KCNH7: variants seen among roughly 807,000 people sequenced by gnomAD.
KCNH7 encodes the protein potassium voltage-gated channel subfamily H member 7.
Under a neutral mutation model 120.8 loss-of-function variants are expected in KCNH7, and 49 were observed. The ratio of observed to expected loss-of-function variants is 0.41; its 90% CI spans 0.32 to 0.51. The LOEUF (loss-of-function observed/expected upper bound fraction) is 0.51, where lower values mean the gene tolerates loss of function less well. Ranked by LOEUF, KCNH7 falls within the 20% of genes least tolerant of loss-of-function variation. KCNH7 has a pLI of 0.38. For synonymous variants in KCNH7, 547 were observed against 516.1 expected, an observed-to-expected ratio of 1.06 and a Z score of -0.81; for missense variants, 1,097 against 1,446.6, an observed-to-expected ratio of 0.76 and a Z score of 3.92.
chr2:162,490,045 G>A (rs749735647), intron 6 of KCNH7, among the ~76,000 whole-genome samples: 3 of 152,218 alleles, frequency 2.0e-5, no homozygotes, highest in Non-Finnish European at 2.9e-5. Context: ...AGGAGAACAC[G>A]TTAATCATAC....
chr2:162,636,629 C>A (rs1260394380), intron 2 of KCNH7, among the ~76,000 whole-genome samples: 3 of 152,100 alleles, frequency 2.0e-5, no homozygotes, highest in Non-Finnish European at 4.4e-5. Context: ...CTTCATGTCA[C>A]ATCACAAGTG....
intron 6 of KCNH7, among the ~76,000 whole-genome samples, chr2:162,465,290 T>G (rs987167864): frequency 6.6e-6 from 1 of 152,140 alleles, no homozygotes; most frequent in Non-Finnish European, 1.5e-5. Context: ...AGATTCCAAT[T>G]GTTACTGCAC....
intron 6 of KCNH7, among the ~76,000 whole-genome samples, chr2:162,486,748 C>T (rs190576476): frequency 1.3e-5 from 2 of 152,004 alleles, no homozygotes; most frequent in Non-Finnish European, 2.9e-5. Flanking sequence ...AAAAAATCAC[C>T]CCCATATTAA....
chr2:162,764,626 A>G lies in KCNH7; in HGVS notation c.307+71911T>C, dbSNP rs927984429. 3.9e-5 allele frequency among the ~76,000 whole-genome samples: 6 copies of G among 152,300 alleles called. No individual in the cohort carries two copies. In the East Asian group the frequency reaches 1.2e-3, roughly 29 times the overall value. On this transcript the variant is annotated intron_variant, in intron 2 of 15. Transcript: ENST00000332142. ...TCTTTACAGATTACTGCAAGTACAAAAGCCAGATCGAAACTGACAGGGAAT... is the reference window on the plus strand; with the variant it reads ...TCTTTACAGATTACTGCAAGTACAAGAGCCAGATCGAAACTGACAGGGAAT...
chr2:162,430,234 A>G (rs1465268543), intron 8 of KCNH7, among the ~76,000 whole-genome samples: 1 of 151,982 alleles, frequency 6.6e-6, no homozygotes, highest in East Asian at 1.9e-4. Context: ...CTGCTGGTTA[A>G]AATTTGAAAA....
chr2:162,468,789 C>T (rs34562680), intron 6 of KCNH7, among the ~76,000 whole-genome samples: 2,062 of 151,844 alleles, frequency 0.014, 27 homozygotes, highest in Non-Finnish European at 0.021. Context: ...CCTCATGATC[C>T]GCCCGCCTAG....
intron 2 of KCNH7, among the ~76,000 whole-genome samples, chr2:162,764,997 A>T (rs1682731177): frequency 6.6e-6 from 1 of 152,192 alleles, no homozygotes; most frequent in African/African-American, 2.4e-5. Flanking sequence ...TTTAAAAAAT[A>T]TTAAAATGTC....
chr2:162,620,114 GGAT>G, intron 2 of KCNH7, among the ~76,000 whole-genome samples: 1 of 149,390 alleles, frequency 6.7e-6, no homozygotes, highest in Non-Finnish European at 1.5e-5. Context: ...TATAAAAAAA[GGAT>G]AATAAAAAAT....
intron 2 of KCNH7, among the ~76,000 whole-genome samples, chr2:162,625,211 A>G (rs1408069277): frequency 6.6e-6 from 1 of 151,796 alleles, no homozygotes; most frequent in East Asian, 1.9e-4. Context: ...TGCACTCTTA[A>G]CTCTAAATCT....
At chr2:162,590,685 TAG>T (rs751608416) in intron 2 of KCNH7, among the ~76,000 whole-genome samples, 11 of 152,108 alleles carry the variant, frequency 7.2e-5, no homozygotes, top group Non-Finnish European at 1.3e-4. Context: ...TCTTCTAAAT[TAG>T]AGCTCTGAAA....
At chr2:162,638,657 T>C (rs1396340118) in intron 2 of KCNH7, among the ~76,000 whole-genome samples, 1 of 152,058 alleles carries the variant, frequency 6.6e-6, no homozygotes, top group Non-Finnish European at 1.5e-5. Context: ...ACTAGAAAAA[T>C]GGAGTTAGTT....
chr2:162,789,009 A>G (rs1683820149), intron 2 of KCNH7, among the ~76,000 whole-genome samples: 1 of 151,306 alleles, frequency 6.6e-6, no homozygotes, highest in Non-Finnish European at 1.5e-5. Context: ...AAAAAAAAAA[A>G]AAAATCCAAA....
At chr2:162,470,382 G>A (rs1389733060) in intron 6 of KCNH7, among the ~76,000 whole-genome samples, 6 of 147,584 alleles carry the variant, frequency 4.1e-5, no homozygotes, top group African/African-American at 1.0e-4. Flanking sequence ...GGTGAGGAGC[G>A]TCTCTGCCCG....
In KCNH7 at chr2:162,470,013, A is replaced by G. The variant is rs989815244; in HGVS notation, c.1129-23570T>C. Among the ~76,000 whole-genome samples the G allele has an allele frequency of 2.0e-5, 3 of 152,130 alleles. 1 individual carries two copies. Among genetic ancestry groups the G allele is most frequent in the Non-Finnish European group, 4.4e-5 (3 of 68,014 alleles). On this transcript the variant is annotated intron_variant, in intron 6 of 15. Coordinates refer to ENST00000332142, the MANE Select transcript of KCNH7 (RefSeq NM_033272.4). ...CGGAGTCTCGTTCACTCAGTGCTCA[A>G]TGGTGCCCAGGCTGGAGTGCAGTGG...
In KCNH7 at chr2:162,423,491, G is replaced by A; in HGVS notation, c.1999C>T (p.Gln667Ter). The part of the protein sequence containing the change: ...SIFGNVSAII[Q>*]RLYSGTARYH... ...CTGGCAGTTCCCGAGTATAGTCTTT[G>A]GATAATTGCAGATACATTCCCAAAA... The change falls in exon 9 of 16, where the codon CAA (glutamine) becomes TAA (stop). Residue 667 changes from glutamine to a stop codon, truncating the protein, a stop_gained. Transcript: ENST00000332142. LOFTEE classifies it high-confidence loss of function. 1 of 1,613,988 alleles carries A rather than the reference G, an allele frequency of 6.2e-7. No individual in the cohort carries two copies. The highest frequency in any genetic ancestry group is 8.5e-7 in the Non-Finnish European group (1 of 1,179,904).
intron 2 of KCNH7, among the ~76,000 whole-genome samples, chr2:162,763,521 A>C (rs1041018106): frequency 6.6e-6 from 1 of 152,236 alleles, no homozygotes; most frequent in Admixed American, 6.6e-5. Context: ...AAGGATCCGT[A>C]AAGTTCCAAA....
Position 162,394,437 on chromosome 2 carries a change from A to G in KCNH7, c.2662T>C (p.Cys888Arg). 6.2e-7 allele frequency: 1 copy of G among 1,607,574 alleles called. No homozygotes were observed. The highest frequency in any genetic ancestry group is 8.5e-7 in the Non-Finnish European group (1 of 1,174,874). Residue 888 changes from cysteine (C) to arginine (R), a missense_variant, in exon 12 of 16, where the codon TGT becomes CGT. By Grantham distance (180) the Cys-to-Arg change is radical. Transcript: ENST00000332142. ...QSMNDSEGDNCKLRRRKLSFE... is the reference protein window; with the variant it reads ...QSMNDSEGDNRKLRRRKLSFE... ...GACAATTTCCTTCTTCTTAGTTTACAGTTGTCTCCTTCTGAATCATTCATG... is the reference window on the plus strand; with the variant it reads ...GACAATTTCCTTCTTCTTAGTTTACGGTTGTCTCCTTCTGAATCATTCATG...
At chr2:162,488,135 C>T (rs1220395291) in intron 6 of KCNH7, among the ~76,000 whole-genome samples, 1 of 152,164 alleles carries the variant, frequency 6.6e-6, no homozygotes, top group Non-Finnish European at 1.5e-5. Flanking sequence ...TGAAGAAAGA[C>T]CTGAGCCATC....
chr2:162,721,364 T>C (rs549635546), intron 2 of KCNH7, among the ~76,000 whole-genome samples: 1 of 152,252 alleles, frequency 6.6e-6, no homozygotes, highest in East Asian at 1.9e-4. Flanking sequence ...CCACTACATA[T>C]GTGGAAAGAC....
Sources: gnomAD v4.1 joint callset for allele counts (sites outside exome capture counted in the v4.1 genomes callset) on GRCh38, gnomAD v4.1.1 for gene constraint, MANE v1.5 for transcripts, NCBI Gene and HGNC (gene_info 2026-07-23, HGNC 2026-07-21) for gene names.